STX8: variants seen among roughly 807,000 people sequenced by gnomAD.
STX8 encodes the protein syntaxin-8.
A neutral mutation model predicts 37.5 loss-of-function variants in STX8; 23 were observed. The ratio of observed to expected loss-of-function variants is 0.61; its 90% CI spans 0.44 to 0.87. STX8 has a LOEUF of 0.87. Among genes scored for constraint, STX8 ranks in the 40% least tolerant of loss-of-function variants. STX8 has a pLI of 0.00. For missense variants in STX8, 313 were observed against 284.7 expected, an observed-to-expected ratio of 1.10 and a Z score of -0.71; for synonymous variants, 115 against 99.1, an observed-to-expected ratio of 1.16 and a Z score of -0.95.
rs372847870 is a variant in STX8, at chr17:9,302,989, T to TTA, written c.644-52345_644-52344insTA. Reference sequence around the variant, plus strand: ...TATGTGAATTAGATCTAATATAGATTAAAAAAAAAAAAAAAAAGGAAGAGA... The same window carrying TTA: ...TATGTGAATTAGATCTAATATAGATTTAAAAAAAAAAAAAAAAAAGGAAGAGA... On this transcript the variant is annotated intron_variant, in intron 7 of 7. Transcript: ENST00000306357. Among the ~76,000 whole-genome samples the TTA allele has an allele frequency of 3.6e-3, 469 of 129,436 alleles. 5 individuals carry two copies. Among genetic ancestry groups the TTA allele is most frequent in the Middle Eastern group, 0.012 (3 of 248 alleles). 84.9% of individuals were successfully genotyped at this position (129,436 alleles called of 152,430 possible).
intron 7 of STX8, among the ~76,000 whole-genome samples, chr17:9,331,198 G>A (rs1465752748): frequency 6.6e-6 from 1 of 152,112 alleles, no homozygotes; most frequent in Non-Finnish European, 1.5e-5. Context: ...CAAAGGATAC[G>A]CTACGAAACC....
chr17:9,498,389 C>CAAA (rs796262688), intron 5 of STX8, among the ~76,000 whole-genome samples: 1 of 88,808 alleles, frequency 1.1e-5, no homozygotes, highest in African/African-American at 4.0e-5. Context: ...GACACCATCT[C>CAAA]AAAAAAAAAA....
chr17:9,538,923 C>A (rs1354642816), intron 4 of STX8, among the ~76,000 whole-genome samples: 1 of 151,840 alleles, frequency 6.6e-6, no homozygotes, highest in South Asian at 2.1e-4. Flanking sequence ...GCAATGCTCT[C>A]GAATATAAAG....
chr17:9,300,251 A>C, intron 7 of STX8, among the ~76,000 whole-genome samples: 1 of 148,168 alleles, frequency 6.7e-6, no homozygotes, highest in East Asian at 2.0e-4. Context: ...GAATCACTTG[A>C]ACCTGGGAGG....
chr17:9,471,054 T>TTTTTTTTTTTCA (rs35086594), intron 6 of STX8, among the ~76,000 whole-genome samples: 1 of 120,966 alleles, frequency 8.3e-6, no homozygotes, highest in Non-Finnish European at 1.6e-5. Context: ...TTTTTTTTTT[T>TTTTTTTTTTTCA]GACAGAGTCT....
At chr17:9,377,065 CAG>C (rs1331019920) in intron 7 of STX8, among the ~76,000 whole-genome samples, 1 of 152,048 alleles carries the variant, frequency 6.6e-6, no homozygotes, top group Middle Eastern at 3.2e-3. Flanking sequence ...TCTGAGCTTG[CAG>C]AGTCTCTATG....
At chr17:9,352,436 A>G (rs1160236662) in intron 7 of STX8, among the ~76,000 whole-genome samples, 1 of 148,866 alleles carries the variant, frequency 6.7e-6, no homozygotes, top group Non-Finnish European at 1.5e-5. Flanking sequence ...CTTAGCTGGG[A>G]GAAAGAGCCT....
chr17:9,288,675 A>AAAATAAAATAAATAAAT (rs756855709), intron 7 of STX8, among the ~76,000 whole-genome samples: 37 of 151,042 alleles, frequency 2.4e-4, no homozygotes, highest in African/African-American at 9.0e-4. Context: ...ATAAATAAAT[A>AAAATAAAATAAATAAAT]AAATAAATAA....
chr17:9,271,121 G>A (rs8077969), intron 7 of STX8, among the ~76,000 whole-genome samples: 3 of 152,054 alleles, frequency 2.0e-5, no homozygotes, highest in African/African-American at 7.2e-5. Flanking sequence ...ACAGTGTGAC[G>A]TGGGACCAGG....
intron 7 of STX8, among the ~76,000 whole-genome samples, chr17:9,303,070 G>A (rs1220649758): frequency 6.6e-6 from 1 of 151,550 alleles, no homozygotes; most frequent in East Asian, 1.9e-4. Flanking sequence ...GAGGTGGGTG[G>A]ATCACAAGGT....
intron 7 of STX8, among the ~76,000 whole-genome samples, chr17:9,376,354 A>T (rs1334182845): frequency 6.6e-6 from 1 of 152,166 alleles, no homozygotes; most frequent in Non-Finnish European, 1.5e-5. Context: ...AAATGCACCA[A>T]TCAGTGCTCT....
chr17:9,522,348 G>C (rs1290057237), intron 4 of STX8, among the ~76,000 whole-genome samples: 1 of 152,062 alleles, frequency 6.6e-6, no homozygotes, highest in South Asian at 2.1e-4. Context: ...CATGATGCAT[G>C]CAACATGCTT....
chr17:9,355,813 G>C (rs955088520), intron 7 of STX8, among the ~76,000 whole-genome samples: 1 of 151,954 alleles, frequency 6.6e-6, no homozygotes, highest in African/African-American at 2.4e-5. Context: ...CGGCCACCTA[G>C]CTAATTTTTA....
chr17:9,309,202 T>A (rs1319811200), intron 7 of STX8, among the ~76,000 whole-genome samples: 1 of 152,178 alleles, frequency 6.6e-6, no homozygotes, highest in Non-Finnish European at 1.5e-5. Context: ...GACATTTTTC[T>A]CACCCATTTA....
At chr17:9,336,297 A>G (rs1171951653) in intron 7 of STX8, among the ~76,000 whole-genome samples, 1 of 152,238 alleles carries the variant, frequency 6.6e-6, no homozygotes, top group Non-Finnish European at 1.5e-5. Context: ...ACAACTTCAC[A>G]GGTGGATAGG....
chr17:9,402,252 T>C (rs1912651332), intron 6 of STX8, among the ~76,000 whole-genome samples: 1 of 152,094 alleles, frequency 6.6e-6, no homozygotes, highest in Non-Finnish European at 1.5e-5. Context: ...CCTGAGTAGC[T>C]GGAATTACAG....
chr17:9,428,519 C>T (rs1301414554), intron 6 of STX8, among the ~76,000 whole-genome samples: 2 of 152,254 alleles, frequency 1.3e-5, no homozygotes, highest in East Asian at 3.9e-4. Flanking sequence ...GGATTACAGG[C>T]GTAAGCCACC....
chr17:9,294,433 TG>T (rs1477732319), intron 7 of STX8, among the ~76,000 whole-genome samples: 1 of 152,250 alleles, frequency 6.6e-6, no homozygotes, highest in Non-Finnish European at 1.5e-5. Context: ...AGGCAACTGT[TG>T]CTTCTCCATC....
intron 6 of STX8, among the ~76,000 whole-genome samples, chr17:9,390,968 G>C (rs1272723465): frequency 6.6e-6 from 1 of 152,066 alleles, no homozygotes; most frequent in African/African-American, 2.4e-5. Flanking sequence ...AACTTTATTG[G>C]GGCAATGGCA....
Sources: gnomAD v4.1 joint callset for allele counts (sites outside exome capture counted in the v4.1 genomes callset) on GRCh38, gnomAD v4.1.1 for gene constraint, MANE v1.5 for transcripts, NCBI Gene and HGNC (gene_info 2026-07-23, HGNC 2026-07-21) for gene names.